CDH5: variants seen among roughly 807,000 people sequenced by gnomAD.
CDH5 encodes cadherin-5.
In CDH5, 28 loss-of-function variants were observed where a neutral mutation model predicts 62.0. The observed-to-expected ratio is 0.45, with a 90% CI of 0.33 to 0.62. The LOEUF is 0.62. Ranked by LOEUF, CDH5 falls within the 20% of genes least tolerant of loss-of-function variation. CDH5 has a pLI of 0.02. For synonymous variants in CDH5, 464 were observed against 445.8 expected (o/e 1.04, Z -0.52); for missense variants, 940 against 1,065.1 (o/e 0.88, Z 1.63).
intron 1 of CDH5, among the ~76,000 whole-genome samples, chr16:66,366,983 G>T (rs1295086583): frequency 3.3e-5 from 5 of 152,256 alleles, no homozygotes. Flanking sequence ...GGGCTGAGGG[G>T]GGCAGGGCAA....
intron 1 of CDH5, among the ~76,000 whole-genome samples, chr16:66,375,971 C>A (rs373008032): frequency 6.6e-6 from 1 of 151,912 alleles, no homozygotes; most frequent in East Asian, 1.9e-4. Context: ...ATTGGCCGGG[C>A]GTGGTGTCAC....
intron 2 of CDH5, among the ~76,000 whole-genome samples, chr16:66,384,720 C>A (rs1024566690): frequency 2.7e-5 from 4 of 147,734 alleles, no homozygotes; most frequent in Non-Finnish European, 5.9e-5. Flanking sequence ...AATCACAGCA[C>A]TTTGGGAGGC....
intron 7 of CDH5, among the ~76,000 whole-genome samples, chr16:66,393,985 A>G (rs1297278788): frequency 1.3e-5 from 2 of 152,118 alleles, no homozygotes; most frequent in African/African-American, 4.8e-5. Context: ...CCTTTGATCC[A>G]AGGGTTTATT....
At chr16:66,392,439 A>G in intron 7 of CDH5, 56 bp downstream of exon 7, 1 of 1,602,044 alleles carries the variant, frequency 6.2e-7, no homozygotes, top group East Asian at 2.2e-5. Context: ...GGATGTTCCT[A>G]TGCCTGCTGG....
rs1596930958 is a variant in CDH5 at position 66,379,611 on chromosome 16, T to C, written c.210+64T>C. ...GCTGGCCCATAGTGACAAGTGGTGGTGGTGATGGCGATGGTGGCAAAGGTG... is the reference window on the plus strand; with the variant it reads ...GCTGGCCCATAGTGACAAGTGGTGGCGGTGATGGCGATGGTGGCAAAGGTG... On this transcript the variant is annotated intron_variant, in intron 2 of 11. Coordinates refer to ENST00000341529, the MANE Select transcript of CDH5 (RefSeq NM_001795.5). The C allele has an allele frequency of 1.0e-5, 15 of 1,434,788 alleles. No homozygotes were observed. In the South Asian group the frequency reaches 1.7e-4, roughly 17 times the overall value. 88.9% of individuals were successfully genotyped at this position (1,434,788 alleles called of 1,614,324 possible). A position where few individuals can be genotyped will look rare whatever the true frequency, so the allele number is the denominator to read the frequency against.
At chr16:66,397,221 AT>A (rs995146597) in intron 8 of CDH5, among the ~76,000 whole-genome samples, 32 of 150,072 alleles carry the variant, frequency 2.1e-4, no homozygotes, top group African/African-American at 5.4e-4. Context: ...CATGGTACTA[AT>A]TTTTTTTTTA....
chr16:66,400,800 G>C lies in CDH5; in HGVS notation c.1621G>C (p.Gly541Arg). The change falls in exon 11 of 12, where the codon GGG becomes CGG. Residue 541 changes from glycine to arginine, a missense_variant. Transcript: ENST00000341529. Reference protein sequence around the residue: ...DNTANITVKYGQFDREHTKVH... With the variant: ...DNTANITVKYRQFDREHTKVH... ...CACGGCCAACATCACAGTCAAGTAT[G>C]GGCAGTTTGACCGGGAGCATACCAA... 1 of 1,614,182 alleles carries C rather than the reference G, an allele frequency of 6.2e-7. No individual in the cohort carries two copies. Among genetic ancestry groups the C allele is most frequent in the Non-Finnish European group, 8.5e-7 (1 of 1,180,030 alleles).
chr16:66,386,230 C>T (rs1006445412), intron 2 of CDH5, among the ~76,000 whole-genome samples: 1 of 152,052 alleles, frequency 6.6e-6, no homozygotes, highest in Non-Finnish European at 1.5e-5. Flanking sequence ...GCAACTCACA[C>T]CATGAGAACA....
intron 2 of CDH5, among the ~76,000 whole-genome samples, chr16:66,385,467 TA>T (rs1960967362): frequency 6.6e-6 from 1 of 152,240 alleles, no homozygotes; most frequent in African/African-American, 2.4e-5. Flanking sequence ...CTGTACATTG[TA>T]AATCTCCAAG....
In CDH5 at chr16:66,403,069, ACT is replaced by A. The variant is rs1236121790; in HGVS notation, c.2258_2259del (p.Ser753Ter). On this transcript the variant is annotated frameshift_variant, in exon 12 of 12. Transcript: ENST00000341529. LOFTEE classifies it high-confidence loss of function. This position sits in a 1 kb window ranked among gnomAD's most constrained non-coding sequence, Gnocchi z 4.3. ...AGCTCCCTGGGCACCGACTCATCCG[ACT>A]CTGACGTGGATTACGACTTCCTTAA... 6.2e-7 allele frequency: 1 copy of A among 1,613,312 alleles called. No homozygotes were observed. Among genetic ancestry groups the A allele is most frequent in the Non-Finnish European group, 8.5e-7 (1 of 1,179,846 alleles).
At position 66,403,141 on chromosome 16, in the gene CDH5, C is replaced by T. The variant is rs1342171331; in HGVS notation, c.2327C>T (p.Ser776Leu). The change falls in exon 12 of 12, where the codon TCG becomes TTG. Residue 776 changes from serine (S) to leucine (L), a missense_variant. Physicochemically the swap from Ser to Leu is moderately radical, Grantham distance 145 (BLOSUM62 -2). Transcript: ENST00000341529. The surrounding 1 kb of genome is among the most constrained non-coding windows in gnomAD (Gnocchi z 4.3). ...AAGATGCTGGCTGAGCTGTACGGCTCGGACCCCCGGGAGGAGCTGCTGTAT... is the reference window on the plus strand; with the variant it reads ...AAGATGCTGGCTGAGCTGTACGGCTTGGACCCCCGGGAGGAGCTGCTGTAT... ...RFKMLAELYG[S>L]DPREELLY 14 of 1,612,614 alleles carry T rather than the reference C, an allele frequency of 8.7e-6. No homozygotes were observed. The highest frequency in any genetic ancestry group is 1.3e-5 in the African/African-American group (1 of 74,974).
intron 1 of CDH5, among the ~76,000 whole-genome samples, chr16:66,372,425 A>G (rs1478617287): frequency 6.6e-6 from 1 of 152,216 alleles, no homozygotes; most frequent in Admixed American, 6.5e-5. Context: ...CAGCAAGTGC[A>G]CGGGCAGGGA....
At chr16:66,395,503 C>CTTTTTTTTTTTTTTTTTTTTTTTTTTATT (rs56675642) in intron 7 of CDH5, 1 of 80,956 alleles carries the variant, frequency 1.2e-5, no homozygotes, top group Non-Finnish European at 2.2e-5. Context: ...CTTTTCTTTT[C>CTTTTTTTTTTTTTTTTTTTTTTTTTTATT]TTTTTTTTTT....
At position 66,397,959 on chromosome 16, in the gene CDH5, G is replaced by T. The variant is rs762137307; in HGVS notation, c.1361-23G>T. The T allele has an allele frequency of 2.5e-6, 4 of 1,614,068 alleles. No homozygotes were observed. In the South Asian group the frequency reaches 3.3e-5, roughly 13 times the overall value. On this transcript the variant is annotated intron_variant, in intron 8 of 11. Coordinates refer to ENST00000341529, the MANE Select transcript of CDH5 (RefSeq NM_001795.5). ...GGCCAGCATCAGCTGAGCCCATAAT[G>T]GTGACAGTCTTCTCCCCTGCAGGAA...
At chr16:66,389,277 C>A in intron 4 of CDH5, 81 bp from the exon 5 acceptor site, 1 of 1,399,896 alleles carries the variant, frequency 7.1e-7, no homozygotes, top group South Asian at 1.4e-5. Flanking sequence ...GCTCTTAAGT[C>A]AGGTTCTCTC....
chr16:66,392,178 G>A lies in CDH5; in HGVS notation c.1012G>A (p.Glu338Lys), dbSNP rs781427288. 115 of 1,613,848 alleles carry A rather than the reference G, an allele frequency of 7.1e-5. No individual in the cohort carries two copies. Among genetic ancestry groups the A allele is most frequent in the Non-Finnish European group, 8.6e-5 (101 of 1,180,032 alleles). ...EYIQQYSFIVEATDPTIDLRY... is the reference protein window; with the variant it reads ...EYIQQYSFIVKATDPTIDLRY... ...CATCCAGCAATACAGCTTCATCGTC[G>A]AGGCCACAGACCCCACCATCGACCT... is the stretch of plus-strand genomic sequence containing the variant. Residue 338 changes from glutamate to lysine, a missense_variant, in exon 7 of 12, where the codon GAG becomes AAG. Coordinates refer to ENST00000341529, the MANE Select transcript of CDH5 (RefSeq NM_001795.5).
chr16:66,386,797 C>T lies in CDH5; in HGVS notation c.211-12C>T, dbSNP rs898089587. ...CGCCCATTCCCAGCTCACGTCACCT[C>T]TTCTTTTCTAGATCAAGTCAAGCGT... On this transcript the variant is annotated splice_polypyrimidine_tract_variant and intron_variant, in intron 2 of 11. Transcript: ENST00000341529. 1 of 1,590,010 alleles carries T rather than the reference C, an allele frequency of 6.3e-7. No individual in the cohort carries two copies. The highest frequency in any genetic ancestry group is 2.3e-5 in the East Asian group (1 of 43,998).
In CDH5 at chr16:66,398,503, C is replaced by T. The variant is rs535092407; in HGVS notation, c.1533C>T (p.Asn511=). The T allele has an allele frequency of 6.8e-6, 11 of 1,610,054 alleles. No individual in the cohort carries two copies. Among genetic ancestry groups the T allele is most frequent in the Admixed American group, 3.3e-5 (2 of 60,024 alleles). ...SAIDKDITPR[N]VKFKFILNTE... is the part of the protein sequence containing the mutation. Reference sequence around the variant, plus strand: ...TAGACAAGGACATAACACCACGAAACGTGAAGTTCAAATTCATCTTGAATA... The same window carrying T: ...TAGACAAGGACATAACACCACGAAATGTGAAGTTCAAATTCATCTTGAATA... The change falls in exon 10 of 12, where the codon AAC becomes AAT. Residue 511 remains asparagine, a synonymous_variant. Coordinates refer to ENST00000341529, the MANE Select transcript of CDH5 (RefSeq NM_001795.5).
intron 4 of CDH5, among the ~76,000 whole-genome samples, 159 bp from the exon 5 acceptor site, chr16:66,389,199 G>A (rs933222319): frequency 6.6e-6 from 1 of 152,278 alleles, no homozygotes; most frequent in African/African-American, 2.4e-5. Context: ...CACAGTATAG[G>A]CTATGGAGGT....
Sources: allele counts gnomAD v4.1 joint callset (sites outside exome capture counted in the v4.1 genomes callset), GRCh38; gene constraint gnomAD v4.1.1; non-coding constraint Gnocchi (gnomAD v3.1); transcripts MANE v1.5; gene names NCBI Gene and HGNC (gene_info 2026-07-23, HGNC 2026-07-21).